The following SEMA3A variants were observed in gnomAD, a reference collection of about 807,000 sequenced individuals.
The protein encoded by SEMA3A is semaphorin-3A.
Under a neutral mutation model 97.9 loss-of-function variants are expected in SEMA3A, and 29 were observed. The ratio of observed to expected loss-of-function variants is 0.30; its 90% CI spans 0.22 to 0.40. SEMA3A has a LOEUF of 0.40. Ranked by LOEUF, SEMA3A falls within the 10% of genes least tolerant of loss-of-function variation. The pLI, the probability that SEMA3A is intolerant of heterozygous loss-of-function variation, is 1.00. For synonymous variants in SEMA3A, 321 were observed against 323.7 expected (o/e 0.99, Z 0.09); for missense variants, 763 against 951.3 (o/e 0.80, Z 2.60).
intron 1 of SEMA3A, among the ~76,000 whole-genome samples, chr7:84,453,338 G>A (rs894260235): frequency 1.3e-5 from 2 of 150,912 alleles, no homozygotes; most frequent in Non-Finnish European, 2.9e-5. Context: ...TGGGGTTCAC[G>A]CCATTCTCCT....
chr7:84,443,649 C>T (rs1239007027), intron 1 of SEMA3A, among the ~76,000 whole-genome samples: 1 of 152,138 alleles, frequency 6.6e-6, no homozygotes, highest in Non-Finnish European at 1.5e-5. Flanking sequence ...TGAAGAAAGA[C>T]TCTCAGGTGA....
chr7:84,268,249 ATGTGTGTGTGTGTGTGTGTGTG>A (rs66460940), intron 3 of SEMA3A, among the ~76,000 whole-genome samples: 4 of 130,950 alleles, frequency 3.1e-5, no homozygotes, highest in Non-Finnish European at 6.7e-5. Context: ...AGACATAAGC[ATGTGTGTGTGTGTGTGTGTGTG>A]TGTGTGTGTG....
intron 1 of SEMA3A, among the ~76,000 whole-genome samples, chr7:84,154,467 G>T (rs1796772371): frequency 6.6e-6 from 1 of 152,014 alleles, no homozygotes; most frequent in South Asian, 2.1e-4. Context: ...CACAAGGTCA[G>T]GAGTTCGAGA....
intron 1 of SEMA3A, among the ~76,000 whole-genome samples, chr7:84,405,588 A>G (rs1248963279): frequency 2.0e-5 from 3 of 152,234 alleles, no homozygotes; most frequent in Admixed American, 6.5e-5. Context: ...TCAACAGAAT[A>G]TGCATTCTTT....
At chr7:84,159,722 A>T (rs572939658) in intron 1 of SEMA3A, among the ~76,000 whole-genome samples, 77 of 152,314 alleles carry the variant, frequency 5.1e-4, no homozygotes, top group African/African-American at 1.8e-3. Flanking sequence ...CATAAAAAAA[A>T]ATAGTTAGAC....
intron 4 of SEMA3A, among the ~76,000 whole-genome samples, chr7:84,083,217 T>TAC (rs1280489230): frequency 1.2e-4 from 18 of 151,860 alleles, no homozygotes; most frequent in Non-Finnish European, 2.2e-4. Flanking sequence ...TACATATATA[T>TAC]ATACACACAC....
chr7:84,350,323 T>A (rs1380798339), intron 2 of SEMA3A, among the ~76,000 whole-genome samples: 1 of 152,296 alleles, frequency 6.6e-6, no homozygotes, highest in South Asian at 2.1e-4. Flanking sequence ...CTAGGTACTT[T>A]GCAGGGGCTA....
At chr7:84,425,698 T>C (rs925614808) in intron 1 of SEMA3A, among the ~76,000 whole-genome samples, 13 of 148,912 alleles carry the variant, frequency 8.7e-5, no homozygotes, top group African/African-American at 2.9e-4. Context: ...AGATTCGATA[T>C]GAAAAAACAT....
At chr7:84,420,188 GA>G (rs76093080) in intron 1 of SEMA3A, among the ~76,000 whole-genome samples, 17,115 of 144,092 alleles carry the variant, frequency 0.12, 1,194 homozygotes, top group East Asian at 0.28. Context: ...TCATTCACAG[GA>G]AAAAAAAAAA....
chr7:84,466,316 G>A (rs1005900229), intron 1 of SEMA3A, among the ~76,000 whole-genome samples: 2 of 151,890 alleles, frequency 1.3e-5, no homozygotes, highest in African/African-American at 4.8e-5. Context: ...GGGATTACAG[G>A]CGCCTGCCAC....
chr7:84,011,141 G>T, intron 8 of SEMA3A, 42 bp downstream of exon 8: 1 of 1,602,602 alleles, frequency 6.2e-7, no homozygotes, highest in East Asian at 2.2e-5. Flanking sequence ...GAATGGCAAA[G>T]TCTGAACAAA....
At chr7:84,154,742 T>C (rs1328735681) in intron 1 of SEMA3A, among the ~76,000 whole-genome samples, 4 of 151,280 alleles carry the variant, frequency 2.6e-5, no homozygotes, top group Non-Finnish European at 5.9e-5. Flanking sequence ...GCAATAAATA[T>C]TTTAGATCTG....
intron 3 of SEMA3A, among the ~76,000 whole-genome samples, chr7:84,241,519 G>A (rs924768666): frequency 1.3e-5 from 2 of 152,008 alleles, no homozygotes; most frequent in African/African-American, 4.8e-5. Context: ...TTTGTCAGAT[G>A]GATAGATCGC....
In SEMA3A at chr7:83,963,220, T is replaced by G. The variant is rs1192790799; in HGVS notation, c.1845A>C (p.Glu615Asp). 3.7e-6 allele frequency: 6 copies of G among 1,613,220 alleles called. No homozygotes were observed. Among genetic ancestry groups the G allele is most frequent in the Non-Finnish European group, 5.1e-6 (6 of 1,179,994 alleles). Residue 615 changes from glutamate (E) to aspartate (D), a missense_variant, in exon 16 of 17, where the codon GAA becomes GAC. Physicochemically the swap from Glu to Asp is conservative, Grantham distance 45 (BLOSUM62 2). This residue lies in a region of SEMA3A where 678 missense variants were observed against 881.3 expected (regional missense o/e 0.77). Transcript: ENST00000265362. The stretch of plus-strand genomic sequence containing the variant: ...ATTCCTGTACCTCTTCTTTTCGCTC[T>G]TCATTTCGCCTCTGGAATTGCCAAT... ...LVYWQFQRRNEERKEEIRVDD... is the reference protein window; with the variant it reads ...LVYWQFQRRNDERKEEIRVDD...
In SEMA3A at chr7:84,094,330, C is replaced by CT. The variant is rs5885398; in HGVS notation, c.453+16139dup. ...TACATCTAAGATCTTAAGTTTTTGC[C>CT]TTTTTTTTTTTCCCATGTTATACTT... On this transcript the variant is annotated intron_variant, in intron 4 of 16. Transcript: ENST00000265362. 8.7e-3 allele frequency among the ~76,000 whole-genome samples: 1,285 copies of CT among 147,740 alleles called. 14 individuals are homozygous for CT. Among genetic ancestry groups the CT allele is most frequent in the African/African-American group, 0.03 (1,192 of 40,036 alleles).
intron 4 of SEMA3A, among the ~76,000 whole-genome samples, chr7:84,064,049 C>G (rs1000606396): frequency 1.5e-4 from 23 of 152,088 alleles, no homozygotes; most frequent in Non-Finnish European, 2.6e-4. Context: ...AAGGGAAGCC[C>G]ATCAGACTAA....
At chr7:84,445,765 C>G (rs959413784) in intron 1 of SEMA3A, among the ~76,000 whole-genome samples, 3 of 150,772 alleles carry the variant, frequency 2.0e-5, no homozygotes, top group Non-Finnish European at 3.0e-5. Flanking sequence ...CCATAAAAAT[C>G]AAGAAAGATC....
chr7:84,104,434 G>C (rs927795681), intron 4 of SEMA3A, among the ~76,000 whole-genome samples: 2 of 152,194 alleles, frequency 1.3e-5, no homozygotes, highest in East Asian at 3.9e-4. Flanking sequence ...GGGAAAAAAA[G>C]CTGTCAAGTA....
chr7:84,080,358 C>G (rs866999285), intron 4 of SEMA3A, among the ~76,000 whole-genome samples: 6 of 151,050 alleles, frequency 4.0e-5, no homozygotes, highest in African/African-American at 7.3e-5. Context: ...ATAATAATAA[C>G]AAGAAAAAAA....
Sources: allele counts gnomAD v4.1 joint callset (sites outside exome capture counted in the v4.1 genomes callset), GRCh38; gene constraint gnomAD v4.1.1; regional missense constraint gnomAD v4.1.1; transcripts MANE v1.5; gene names NCBI Gene and HGNC (gene_info 2026-07-23, HGNC 2026-07-21).